Variants in SIRPB2 observed in about 807,000 individuals in gnomAD.
SIRPB2 encodes the protein signal regulatory protein beta 2, also known as signal-regulatory protein beta-2.
In SIRPB2, 18 loss-of-function variants were observed where a neutral mutation model predicts 27.1. The ratio of observed to expected loss-of-function variants is 0.66; its 90% confidence interval spans 0.46 to 0.98. SIRPB2 has a LOEUF of 0.98. SIRPB2 is among the 50% of genes least tolerant of loss of function. The probability of loss-of-function intolerance (pLI) is 0.00; values close to 1 mark genes in which losing one functional copy is unlikely to be tolerated. For missense variants in SIRPB2, 420 were observed against 417.4 expected (o/e 1.01, Z -0.06); for synonymous variants, 150 against 164.6 (o/e 0.91, Z 0.68).
At chr20:1,481,427 AG>A (rs1161607279) in intron 1 of SIRPB2, among the ~76,000 whole-genome samples, 2 of 152,232 alleles carry the variant, frequency 1.3e-5, no homozygotes, top group African/African-American at 4.8e-5. Context: ...AACTCAGATC[AG>A]GTGACTTAAG....
chr20:1,489,724 A>G (rs1335762436), intron 1 of SIRPB2, among the ~76,000 whole-genome samples: 1 of 152,056 alleles, frequency 6.6e-6, no homozygotes, highest in Non-Finnish European at 1.5e-5. Context: ...AGCCTTATAG[A>G]AAATGTGTTA....
intron 1 of SIRPB2, among the ~76,000 whole-genome samples, chr20:1,488,640 C>T (rs956463482): frequency 2.0e-4 from 12 of 60,164 alleles, no homozygotes; most frequent in African/African-American, 7.7e-4. Flanking sequence ...AGAGTGAGAC[C>T]CTGTCTCAAA....
At chr20:1,477,465 T>C in intron 3 of SIRPB2, 62 bp from the exon 4 acceptor site, 1 of 1,552,376 alleles carries the variant, frequency 6.4e-7, no homozygotes, top group Non-Finnish European at 8.7e-7. Flanking sequence ...ACTTCCTAAG[T>C]CCCAGGAGCT....
downstream of SIRPB2, chr20:1,473,653 G>A: frequency 3.5e-6 from 1 of 286,586 alleles, no homozygotes; most frequent in South Asian, 3.0e-5. Flanking sequence ...AGGGAGCTTT[G>A]TGTGGTCAAA....
At chr20:1,478,896 C>T (rs1017947446) in intron 2 of SIRPB2, among the ~76,000 whole-genome samples, 1 of 152,186 alleles carries the variant, frequency 6.6e-6, no homozygotes, top group Admixed American at 6.5e-5. Flanking sequence ...TGCCCAGAGG[C>T]GGAAACCCAG....
At chr20:1,482,620 T>G (rs940067226) in intron 1 of SIRPB2, among the ~76,000 whole-genome samples, 2 of 144,620 alleles carry the variant, frequency 1.4e-5, no homozygotes, top group African/African-American at 5.1e-5. Flanking sequence ...CTTTTTGGAG[T>G]GCAATGGCAC....
intron 1 of SIRPB2, among the ~76,000 whole-genome samples, chr20:1,485,138 C>G (rs933338765): frequency 3.3e-5 from 5 of 151,944 alleles, no homozygotes; most frequent in Admixed American, 2.6e-4. Context: ...TACAAACATA[C>G]AGTTAGATAG....
chr20:1,480,446 G>A (rs1026404978), intron 1 of SIRPB2: 8 of 200,586 alleles, frequency 4.0e-5, no homozygotes, highest in Admixed American at 3.1e-4. Context: ...TGTGTCTCCC[G>A]AATGCACATG....
chr20:1,483,977 GT>G (rs2090699592), intron 1 of SIRPB2, among the ~76,000 whole-genome samples: 1 of 152,012 alleles, frequency 6.6e-6, no homozygotes, highest in African/African-American at 2.4e-5. Context: ...ATGTGTATTG[GT>G]ATAATAGACC....
At position 1,491,342 on chromosome 20, in the gene SIRPB2, C is replaced by G. The variant is rs774750046; in HGVS notation, c.18G>C (p.Ser6=). Residue 6 remains serine (S), a synonymous_variant, in exon 1 of 5, where the codon TCG becomes TCC. Transcript: ENST00000359801. ...GCAAGTGGGCCAGGCAGGTGGGGGC[C>G]GACATCGTGGAGCACATGGCATCTT... MCSTM[S]APTCLAHLPP... is the part of the protein sequence containing the mutation. 6.2e-7 allele frequency: 1 copy of G among 1,609,948 alleles called. No individual in the cohort carries two copies. Among genetic ancestry groups the G allele is most frequent in the Non-Finnish European group, 8.5e-7 (1 of 1,178,564 alleles).
downstream of SIRPB2, among the ~76,000 whole-genome samples, chr20:1,471,848 C>A (rs944787525): frequency 6.6e-6 from 1 of 152,098 alleles, no homozygotes; most frequent in Non-Finnish European, 1.5e-5. Flanking sequence ...TCCTCGAGCC[C>A]GAGGAGAGTG....
At chr20:1,491,046 G>C (rs1291253836) in intron 1 of SIRPB2, among the ~76,000 whole-genome samples, 3 of 152,190 alleles carry the variant, frequency 2.0e-5, no homozygotes, top group Non-Finnish European at 4.4e-5. Context: ...GAGCAATCAA[G>C]CTGGAAGCCA....
At chr20:1,470,862 C>G (rs2090579233), downstream of SIRPB2, 1 of 152,190 alleles carries the variant, frequency 6.6e-6, no homozygotes, top group African/African-American at 2.4e-5. Context: ...CCCTCATGCC[C>G]CTGCACGAAT....
chr20:1,478,945 G>A (rs950173495), intron 2 of SIRPB2, among the ~76,000 whole-genome samples: 1 of 152,180 alleles, frequency 6.6e-6, no homozygotes, highest in Admixed American at 6.5e-5. Flanking sequence ...ATCATAGCTC[G>A]GAAGAAGCCA....
intron 3 of SIRPB2, 76 bp downstream of exon 3, chr20:1,478,190 T>A (rs966128345): frequency 7.3e-7 from 1 of 1,368,016 alleles, no homozygotes; most frequent in Non-Finnish European, 1.0e-6. Context: ...AGAACTGGCT[T>A]GTTCGGGACA....
chr20:1,479,525 G>A (rs1323472566), intron 2 of SIRPB2, 175 bp downstream of exon 2: 6 of 981,684 alleles, frequency 6.1e-6, no homozygotes, highest in Non-Finnish European at 9.1e-6. Context: ...GCTCTGGCAT[G>A]AGACATGAGG....
intron 2 of SIRPB2, 150 bp from the exon 3 acceptor site, chr20:1,478,757 C>G (rs2090636680): frequency 1.6e-6 from 1 of 644,488 alleles, no homozygotes; most frequent in African/African-American, 1.8e-5. Flanking sequence ...CCAGTTGACT[C>G]ATTCAGTAAA....
At chr20:1,485,095 G>A (rs1261905266) in intron 1 of SIRPB2, among the ~76,000 whole-genome samples, 1 of 152,142 alleles carries the variant, frequency 6.6e-6, no homozygotes, top group Non-Finnish European at 1.5e-5. Context: ...AGTGAGTGTA[G>A]GGAGAGGGGC....
intron 1 of SIRPB2, 70 bp from the exon 2 acceptor site, chr20:1,480,135 C>T (rs549409261): frequency 6.6e-7 from 1 of 1,506,508 alleles, no homozygotes; most frequent in Non-Finnish European, 8.8e-7. Flanking sequence ...AAGCTTAAAA[C>T]AATCAAACCA....
Sources: allele counts gnomAD v4.1 joint callset (sites outside exome capture counted in the v4.1 genomes callset), GRCh38; gene constraint gnomAD v4.1.1; transcripts MANE v1.5; gene names NCBI Gene and HGNC (gene_info 2026-07-23, HGNC 2026-07-21).